CSMD1: variants seen among roughly 807,000 people sequenced by gnomAD.
CSMD1 encodes the protein CUB and sushi domain-containing protein 1.
CSMD1 carries 213 observed loss-of-function variants against 417.5 expected under a neutral mutation model. That is an observed-to-expected ratio of 0.51 (90% CI 0.46 to 0.57). The LOEUF (loss-of-function observed/expected upper bound fraction) is 0.57, where lower values mean the gene tolerates loss of function less well. Ranked by LOEUF, CSMD1 falls within the 20% of genes least tolerant of loss-of-function variation. CSMD1 has a pLI of 0.00. For missense variants in CSMD1, 6,923 were observed against 4,529.7 expected (o/e 1.53, Z -15.17); for synonymous variants, 2,862 against 1,736.8 (o/e 1.65, Z -16.11).
chr8:3,035,215 T>A lies in CSMD1; in HGVS notation c.7661-5702A>T, dbSNP rs111730490. ...GCCAGCACTCCCCAGTCCCCCACCATCATAGGCAGATACTGCAGAGCGCGG... is the reference window on the plus strand; with the variant it reads ...GCCAGCACTCCCCAGTCCCCCACCAACATAGGCAGATACTGCAGAGCGCGG... On this transcript the variant is annotated intron_variant, in intron 50 of 69. Coordinates refer to ENST00000635120, the MANE Select transcript of CSMD1 (RefSeq NM_033225.6). Among the ~76,000 whole-genome samples the A allele has an allele frequency of 5.0e-3, 755 of 152,254 alleles. 1 individual carries two copies. Among genetic ancestry groups the A allele is most frequent in the South Asian group, 0.01 (50 of 4,814 alleles).
intron 10 of CSMD1, among the ~76,000 whole-genome samples, chr8:3,533,444 A>T (rs1436423752): frequency 6.6e-6 from 1 of 152,130 alleles, no homozygotes; most frequent in Non-Finnish European, 1.5e-5. Context: ...CTATGAGTTT[A>T]ACTCCTTTAG....
At chr8:3,599,893 C>T (rs1801280187) in intron 8 of CSMD1, among the ~76,000 whole-genome samples, 1 of 152,150 alleles carries the variant, frequency 6.6e-6, no homozygotes, top group South Asian at 2.1e-4. Flanking sequence ...GGTTGACTAC[C>T]TTCCCCTTCC....
At chr8:4,006,316 G>C (rs553088249) in intron 4 of CSMD1, among the ~76,000 whole-genome samples, 1 of 152,286 alleles carries the variant, frequency 6.6e-6, no homozygotes, top group South Asian at 2.1e-4. Context: ...GGCTGAGATG[G>C]ATGGATCACC....
intron 1 of CSMD1, among the ~76,000 whole-genome samples, chr8:4,652,507 G>A (rs550347832): frequency 6.6e-6 from 1 of 152,042 alleles, no homozygotes; most frequent in East Asian, 1.9e-4. Context: ...AGACAGATTC[G>A]CCCCATGTGG....
chr8:3,609,754 G>C (rs562827712), intron 8 of CSMD1, among the ~76,000 whole-genome samples: 2 of 137,726 alleles, frequency 1.5e-5, no homozygotes, highest in Admixed American at 1.5e-4. Flanking sequence ...AAAAAAAACC[G>C]AATTACCTTT....
intron 49 of CSMD1, among the ~76,000 whole-genome samples, chr8:3,061,913 C>T (rs189944123): frequency 2.8e-4 from 43 of 152,162 alleles, no homozygotes; most frequent in Middle Eastern, 3.4e-3. Context: ...GACTAGTAAA[C>T]GGCTCTGTGA....
chr8:4,028,024 G>C (rs1797152750), intron 4 of CSMD1, among the ~76,000 whole-genome samples: 1 of 152,170 alleles, frequency 6.6e-6, no homozygotes, highest in South Asian at 2.1e-4. Context: ...GTGGAAAGCA[G>C]ATGGGATACA....
chr8:4,377,630 C>T (rs1182790587), intron 3 of CSMD1, among the ~76,000 whole-genome samples: 1 of 152,112 alleles, frequency 6.6e-6, no homozygotes, highest in Non-Finnish European at 1.5e-5. Flanking sequence ...ACTAGAGGTT[C>T]AATGAAATCA....
chr8:3,466,307 C>T (rs975249550), intron 12 of CSMD1, among the ~76,000 whole-genome samples: 4 of 152,030 alleles, frequency 2.6e-5, no homozygotes, highest in Non-Finnish European at 5.9e-5. Flanking sequence ...AGTACAGCTC[C>T]AGAGCCTGTG....
chr8:3,295,343 G>A (rs1282427660), intron 25 of CSMD1, among the ~76,000 whole-genome samples: 1 of 151,948 alleles, frequency 6.6e-6, no homozygotes, highest in Non-Finnish European at 1.5e-5. Context: ...AGCCAGGAAG[G>A]TCTCGATCTC....
chr8:3,850,566 T>C (rs901970824), intron 5 of CSMD1, among the ~76,000 whole-genome samples: 20 of 152,028 alleles, frequency 1.3e-4, no homozygotes, highest in African/African-American at 4.8e-4. Context: ...ATGATGGCTC[T>C]CACCTGTTTT....
At chr8:3,676,921 C>G (rs868564600) in intron 7 of CSMD1, among the ~76,000 whole-genome samples, 1 of 151,968 alleles carries the variant, frequency 6.6e-6, no homozygotes, top group Non-Finnish European at 1.5e-5. Context: ...CCAAACACCA[C>G]ATGTTCACAC....
intron 7 of CSMD1, among the ~76,000 whole-genome samples, chr8:3,674,248 G>C (rs1373421742): frequency 2.0e-5 from 3 of 152,124 alleles, no homozygotes; most frequent in African/African-American, 2.4e-5. Context: ...ACTTCATTTT[G>C]TTAGTTGACT....
intron 1 of CSMD1, among the ~76,000 whole-genome samples, chr8:4,886,447 A>G (rs1803745866): frequency 6.6e-6 from 1 of 152,042 alleles, no homozygotes; most frequent in South Asian, 2.1e-4. Context: ...CATAAAAGAT[A>G]TTGGTCTGTG....
chr8:4,360,597 C>A (rs1477416632), intron 3 of CSMD1, among the ~76,000 whole-genome samples: 5 of 152,148 alleles, frequency 3.3e-5, no homozygotes, highest in African/African-American at 1.2e-4. Flanking sequence ...TCACGTCATT[C>A]TCCTGCCTCA....
intron 30 of CSMD1, among the ~76,000 whole-genome samples, chr8:3,213,055 G>A (rs926811632): frequency 6.6e-6 from 1 of 151,950 alleles, no homozygotes. Flanking sequence ...TCGAACTCCT[G>A]ACCTCAGGTG....
intron 3 of CSMD1, among the ~76,000 whole-genome samples, chr8:4,263,285 G>A (rs1804010710): frequency 6.6e-6 from 1 of 152,062 alleles, no homozygotes; most frequent in South Asian, 2.1e-4. Context: ...AAACAAAAAT[G>A]TACGGTACAG....
chr8:3,568,767 AC>A (rs930383862), intron 10 of CSMD1, among the ~76,000 whole-genome samples: 2 of 152,112 alleles, frequency 1.3e-5, no homozygotes, highest in Non-Finnish European at 2.9e-5. Context: ...ATACATTTAT[AC>A]CTAAAAGATG....
chr8:4,241,616 T>G (rs1257116806), intron 3 of CSMD1, among the ~76,000 whole-genome samples: 1 of 152,118 alleles, frequency 6.6e-6, no homozygotes, highest in Non-Finnish European at 1.5e-5. Flanking sequence ...AGGATTTCTA[T>G]GTAGAGGAGA....
Sources: allele counts gnomAD v4.1 joint callset (sites outside exome capture counted in the v4.1 genomes callset), GRCh38; gene constraint gnomAD v4.1.1; transcripts MANE v1.5; gene names NCBI Gene and HGNC (gene_info 2026-07-23, HGNC 2026-07-21).